KSR2: variants seen among roughly 807,000 people sequenced by gnomAD.
The protein encoded by KSR2 is kinase suppressor of ras 2.
KSR2 carries 25 observed loss-of-function variants against 107.8 expected under a neutral mutation model. The observed-to-expected ratio is 0.23, with a 90% confidence interval of 0.17 to 0.32. The LOEUF (loss-of-function observed/expected upper bound fraction) is 0.32, where lower values mean the gene tolerates loss of function less well. Among genes scored for constraint, KSR2 ranks in the 10% least tolerant of loss-of-function variants. KSR2 has a pLI of 1.00. For missense variants in KSR2, 887 were observed against 1,268.9 expected (o/e 0.70, Z 4.57); for synonymous variants, 480 against 507.0 (o/e 0.95, Z 0.71).
At chr12:117,717,660 C>A (rs1887036856) in intron 4 of KSR2, among the ~76,000 whole-genome samples, 1 of 145,018 alleles carries the variant, frequency 6.9e-6, no homozygotes, top group Admixed American at 6.9e-5. Flanking sequence ...ATGTGTGGGG[C>A]AGACAGGTGT....
chr12:117,949,682 C>T (rs192096722), intron 1 of KSR2, among the ~76,000 whole-genome samples: 1 of 152,328 alleles, frequency 6.6e-6, no homozygotes, highest in East Asian at 1.9e-4. Context: ...CATTTATATA[C>T]AGCTCTTTTC....
At chr12:117,529,895 C>T (rs1373975592) in intron 12 of KSR2, among the ~76,000 whole-genome samples, 1 of 151,920 alleles carries the variant, frequency 6.6e-6, no homozygotes, top group Non-Finnish European at 1.5e-5. Flanking sequence ...GTGGCACACA[C>T]CTGTAATCCC....
At chr12:117,915,297 G>A (rs1172964884) in intron 1 of KSR2, among the ~76,000 whole-genome samples, 1 of 152,226 alleles carries the variant, frequency 6.6e-6, no homozygotes. Flanking sequence ...GGGCAAGTGA[G>A]CTCTCTGAGG....
intron 10 of KSR2, among the ~76,000 whole-genome samples, chr12:117,534,754 T>G (rs1340953842): frequency 6.6e-6 from 1 of 151,990 alleles, no homozygotes; most frequent in Non-Finnish European, 1.5e-5. Context: ...CTAGATCATC[T>G]GGGTGGGCTC....
intron 1 of KSR2, among the ~76,000 whole-genome samples, chr12:117,880,990 G>T (rs1032317476): frequency 3.3e-5 from 5 of 150,922 alleles, no homozygotes; most frequent in Middle Eastern, 3.4e-3. Flanking sequence ...TTTTTTTATG[G>T]CAGAGTCTCA....
chr12:117,923,669 G>A (rs4767642), intron 1 of KSR2, among the ~76,000 whole-genome samples: 59,840 of 141,088 alleles, frequency 0.42, 14,360 homozygotes, highest in East Asian at 0.86. Flanking sequence ...AAATATATAT[G>A]TGTGTGTGTG....
intron 3 of KSR2, among the ~76,000 whole-genome samples, chr12:117,777,309 T>C (rs970074206): frequency 1.3e-5 from 2 of 151,866 alleles, no homozygotes; most frequent in African/African-American, 4.8e-5. Flanking sequence ...CTTCTTATTC[T>C]AAGGAACACT....
intron 5 of KSR2, among the ~76,000 whole-genome samples, chr12:117,660,622 G>C (rs1884396168): frequency 6.6e-6 from 1 of 152,100 alleles, no homozygotes; most frequent in Middle Eastern, 3.2e-3. Flanking sequence ...CAGGTGTGTG[G>C]GGTAGGATTT....
intron 2 of KSR2, among the ~76,000 whole-genome samples, chr12:117,858,487 A>C (rs1282275781): frequency 6.6e-6 from 1 of 152,110 alleles, no homozygotes; most frequent in African/African-American, 2.4e-5. Context: ...GAGCGGGGTG[A>C]TGCTGCCTCT....
intron 4 of KSR2, among the ~76,000 whole-genome samples, chr12:117,670,972 C>T (rs1382176876): frequency 6.6e-6 from 1 of 152,164 alleles, no homozygotes; most frequent in Non-Finnish European, 1.5e-5. Flanking sequence ...ATTCCCTCAC[C>T]TCACTCTCTT....
chr12:117,910,782 C>T (rs1894987287), intron 1 of KSR2, among the ~76,000 whole-genome samples: 1 of 152,040 alleles, frequency 6.6e-6, no homozygotes, highest in Non-Finnish European at 1.5e-5. Flanking sequence ...AGAAGGTAGG[C>T]GTGAATCTAG....
chr12:117,484,377 C>G, intron 16 of KSR2, 39 bp downstream of exon 16: 1 of 1,608,948 alleles, frequency 6.2e-7, no homozygotes, highest in Non-Finnish European at 8.5e-7. Context: ...TGACCATCAT[C>G]TGTCAGGAAA....
intron 4 of KSR2, among the ~76,000 whole-genome samples, chr12:117,714,920 G>T (rs1442970877): frequency 6.6e-6 from 1 of 152,016 alleles, no homozygotes; most frequent in Non-Finnish European, 1.5e-5. Context: ...CTATGTGGAG[G>T]GCATTTGCAG....
chr12:117,825,288 G>A (rs1368648774), intron 3 of KSR2, among the ~76,000 whole-genome samples: 1 of 152,170 alleles, frequency 6.6e-6, no homozygotes, highest in East Asian at 1.9e-4. Flanking sequence ...GTGGGTCCGT[G>A]GATGGGTGTG....
chr12:117,575,604 CA>C (rs1382143731), intron 7 of KSR2, among the ~76,000 whole-genome samples: 1 of 152,232 alleles, frequency 6.6e-6, no homozygotes, highest in Admixed American at 6.5e-5. Context: ...GAACACGTCT[CA>C]ACTTCAACTG....
Position 117,947,205 on chromosome 12 carries a change from A to AAAGAAAGAAAGAAAG in KSR2, c.180+20870_180+20871insCTTTCTTTCTTTCTT, listed in dbSNP as rs58567161. Among the ~76,000 whole-genome samples, 213 of 69,208 alleles carry AAAGAAAGAAAGAAAG rather than the reference A, an allele frequency of 3.1e-3. 1 individual carries two copies. Among genetic ancestry groups the AAAGAAAGAAAGAAAG allele is most frequent in the African/African-American group, 5.6e-3 (81 of 14,562 alleles). The allele number at this position is 69,208 out of a possible 152,430, so 45.4% of individuals were successfully genotyped here. A position where few individuals can be genotyped will look rare whatever the true frequency, so the allele number is the denominator to read the frequency against. The stretch of plus-strand genomic sequence containing the variant: ...AAGAAAGAAAAGAAAGAAAAGAAAG[A>AAAGAAAGAAAGAAAG]AAAGAAAGAAAGAAAGAAAGAAAGA... On this transcript the variant is annotated intron_variant, in intron 1 of 19. Transcript: ENST00000339824.
chr12:117,453,535 G>A lies in KSR2; in HGVS notation c.*13664C>T, dbSNP rs1870440042. 1 of 151,932 alleles carries A rather than the reference G, an allele frequency of 6.6e-6. No individual in the cohort carries two copies. Among genetic ancestry groups the A allele is most frequent in the Non-Finnish European group, 1.5e-5 (1 of 67,974 alleles). The allele number at this position is 151,932 out of a possible 1,614,324, so 9.4% of individuals were successfully genotyped here. ...TAGTCTTTATATATATAATATATATGTATAATATTTATAGGTCTATATACT... is the reference window on the plus strand; with the variant it reads ...TAGTCTTTATATATATAATATATATATATAATATTTATAGGTCTATATACT... On this transcript the variant is annotated 3_prime_UTR_variant, in exon 20 of 20. Coordinates refer to ENST00000339824, the MANE Select transcript of KSR2 (RefSeq NM_173598.6).
intron 5 of KSR2, among the ~76,000 whole-genome samples, chr12:117,659,037 G>A (rs1884309258): frequency 6.6e-6 from 1 of 152,148 alleles, no homozygotes; most frequent in Non-Finnish European, 1.5e-5. Context: ...ATCGCAGATA[G>A]AAATCAACTG....
chr12:117,619,828 T>C (rs1882089675), intron 5 of KSR2, among the ~76,000 whole-genome samples: 1 of 151,916 alleles, frequency 6.6e-6, no homozygotes, highest in African/African-American at 2.4e-5. Context: ...AATTCACTCA[T>C]TTTAAGTGCA....
Sources: allele counts gnomAD v4.1 joint callset (sites outside exome capture counted in the v4.1 genomes callset), GRCh38; gene constraint gnomAD v4.1.1; transcripts MANE v1.5; gene names NCBI Gene and HGNC (gene_info 2026-07-23, HGNC 2026-07-21).